C11orf65: variants seen among roughly 807,000 people sequenced by gnomAD.
The protein encoded by C11orf65 is chromosome 11 open reading frame 65.
In C11orf65, 38 loss-of-function variants were observed where a neutral mutation model predicts 35.3. The observed-to-expected ratio is 1.08, with a 90% CI of 0.83 to 1.41. The LOEUF is 1.41. Ranked by LOEUF, C11orf65 falls within the 40% of genes most tolerant of loss-of-function variation. The pLI is 0.00. For synonymous variants in C11orf65, 105 were observed against 114.4 expected (o/e 0.92, Z 0.53); for missense variants, 370 against 367.1 (o/e 1.01, Z -0.06).
chr11:108,375,981 T>A (rs553563570), intron 2 of C11orf65, among the ~76,000 whole-genome samples: 2,020 of 152,248 alleles, frequency 0.013, 21 homozygotes, highest in South Asian at 0.023. Context: ...CCCAGATTCA[T>A]AAAGCAAGTC....
At chr11:108,311,945 A>C (rs1444486891) in intron 6 of C11orf65, among the ~76,000 whole-genome samples, 1 of 152,216 alleles carries the variant, frequency 6.6e-6, no homozygotes, top group Non-Finnish European at 1.5e-5. Flanking sequence ...CTAGTTTTAT[A>C]GTCTTGGTTT....
chr11:108,359,539 G>C (rs1035472818), intron 2 of C11orf65, among the ~76,000 whole-genome samples: 9 of 151,952 alleles, frequency 5.9e-5, no homozygotes, highest in African/African-American at 1.2e-4. Context: ...TGACCCCATA[G>C]TTGGAAGTAA....
intron 2 of C11orf65, among the ~76,000 whole-genome samples, chr11:108,445,220 A>G (rs1269578728): frequency 2.0e-5 from 3 of 152,188 alleles, no homozygotes; most frequent in African/African-American, 4.8e-5. Context: ...ACCTCTGCAG[A>G]CTTACATGTC....
intron 3 of C11orf65, among the ~76,000 whole-genome samples, chr11:108,422,710 C>G (rs560743572): frequency 6.6e-6 from 1 of 151,926 alleles, no homozygotes; most frequent in African/African-American, 2.4e-5. Flanking sequence ...GGTGAAACCC[C>G]GTTTCTACTA....
At chr11:108,456,945 G>A (rs1489853972) in intron 2 of C11orf65, among the ~76,000 whole-genome samples, 1 of 152,140 alleles carries the variant, frequency 6.6e-6, no homozygotes, top group Non-Finnish European at 1.5e-5. Flanking sequence ...CAAAGGACTT[G>A]CATTCAGGAT....
intron 6 of C11orf65, among the ~76,000 whole-genome samples, chr11:108,309,525 A>G (rs562111482): frequency 6.6e-6 from 1 of 152,316 alleles, no homozygotes; most frequent in South Asian, 2.1e-4. Context: ...TAGGCAATAT[A>G]GCTAGATTTG....
At chr11:108,360,298 T>A (rs997906633) in intron 2 of C11orf65, among the ~76,000 whole-genome samples, 4 of 152,074 alleles carry the variant, frequency 2.6e-5, no homozygotes, top group Non-Finnish European at 5.9e-5. Context: ...ATTGTGGCAA[T>A]AATCAATAGT....
At chr11:108,441,802 CA>C (rs1156916114) in intron 2 of C11orf65, among the ~76,000 whole-genome samples, 3 of 152,258 alleles carry the variant, frequency 2.0e-5, no homozygotes, top group East Asian at 3.9e-4. Flanking sequence ...ACACCCACAC[CA>C]AAATCCCATC....
chr11:108,404,413 TTG>T (rs1455526758), intron 6 of C11orf65, among the ~76,000 whole-genome samples: 2 of 152,050 alleles, frequency 1.3e-5, no homozygotes, highest in Non-Finnish European at 2.9e-5. Flanking sequence ...ATACTTTTTT[TTG>T]TGTTTGTTTC....
At chr11:108,325,207 GTAT>G in intron 6 of C11orf65, 1 of 785,530 alleles carries the variant, frequency 1.3e-6, no homozygotes, top group East Asian at 2.7e-5. Context: ...AAGTTCCTTT[GTAT>G]TATTATAATA....
intron 2 of C11orf65, among the ~76,000 whole-genome samples, chr11:108,441,930 G>T (rs899259042): frequency 3.3e-5 from 5 of 152,220 alleles, no homozygotes; most frequent in African/African-American, 1.2e-4. Flanking sequence ...CCAAAGGAAT[G>T]CAGCTCCTTG....
Position 108,463,445 on chromosome 11 carries a change from G to A in C11orf65, c.-9-1877C>T, listed in dbSNP as rs76493733. Reference sequence around the variant, plus strand: ...ATTTTTAAGAGTTGGGAGAAGGTTCGCTATGAAAAAAACTTATGTCTTTTT... The same window carrying A: ...ATTTTTAAGAGTTGGGAGAAGGTTCACTATGAAAAAAACTTATGTCTTTTT... On this transcript the variant is annotated intron_variant, in intron 1 of 8. Transcript: ENST00000393084. Among the ~76,000 whole-genome samples, 5 of 151,826 alleles carry A rather than the reference G, an allele frequency of 3.3e-5. No individual in the cohort carries two copies. The East Asian group carries it at 5.8e-4, about 18-fold the overall frequency.
At position 108,393,297 on chromosome 11, in the gene C11orf65, A is replaced by C. The variant is rs541483231; in HGVS notation, c.642T>G (p.Ile214Met). ...GLIHTATKGL[I>M]RAFEDGGIDS... ...CTATCCCCCCATCTTCAAAAGCTCT[A>C]ATCAGCCCCTTTGTTGCAGTGTGAA... Residue 214 changes from isoleucine (I) to methionine (M), a missense_variant, in exon 7 of 9, where the codon ATT becomes ATG. Coordinates refer to ENST00000393084, the MANE Select transcript of C11orf65 (RefSeq NM_152587.5). 1.1e-5 allele frequency: 18 copies of C among 1,614,058 alleles called. No homozygotes were observed. Among genetic ancestry groups the C allele is most frequent in the East Asian group, 6.7e-5 (3 of 44,856 alleles).
chr11:108,319,924 G>T (rs2136217232), intron 6 of C11orf65: 1 of 1,489,192 alleles, frequency 6.7e-7, no homozygotes, highest in African/African-American at 1.4e-5. Context: ...CTGTTTTTAA[G>T]TATATTTTTT....
At chr11:108,313,548 G>A (rs2136081368) in intron 6 of C11orf65, among the ~76,000 whole-genome samples, 1 of 152,144 alleles carries the variant, frequency 6.6e-6, no homozygotes, top group South Asian at 2.1e-4. Flanking sequence ...CATCAACCAT[G>A]CCTTGCTTGA....
chr11:108,323,511 C>T (rs536619981), intron 6 of C11orf65, among the ~76,000 whole-genome samples: 13 of 152,174 alleles, frequency 8.5e-5, no homozygotes, highest in African/African-American at 2.4e-4. Context: ...CTGTAGTTAA[C>T]AGTAATTTAC....
intron 7 of C11orf65, among the ~76,000 whole-genome samples, chr11:108,388,346 G>C (rs1157450813): frequency 6.6e-6 from 1 of 152,162 alleles, no homozygotes; most frequent in Non-Finnish European, 1.5e-5. Flanking sequence ...AGACATAGAA[G>C]CAAGTCTGAT....
At chr11:108,418,254 G>T (rs2092768496) in intron 3 of C11orf65, among the ~76,000 whole-genome samples, 1 of 151,974 alleles carries the variant, frequency 6.6e-6, no homozygotes, top group Admixed American at 6.6e-5. Context: ...TGAAAAATTT[G>T]ACCTAATTGA....
chr11:108,381,052 G>A (rs909194950), downstream of C11orf65, among the ~76,000 whole-genome samples: 1 of 152,208 alleles, frequency 6.6e-6, no homozygotes, highest in African/African-American at 2.4e-5. Context: ...CTGTTAAGGA[G>A]TAACCTAAGG....
Sources: gnomAD v4.1 joint callset for allele counts (sites outside exome capture counted in the v4.1 genomes callset) on GRCh38, gnomAD v4.1.1 for gene constraint, MANE v1.5 for transcripts, NCBI Gene and HGNC (gene_info 2026-07-23, HGNC 2026-07-21) for gene names.